Variants in SPPL3 observed in about 807,000 individuals in gnomAD.
SPPL3 encodes the protein signal peptide peptidase-like 3.
SPPL3 carries 5 observed loss-of-function variants against 42.4 expected under a neutral mutation model. The ratio of observed to expected loss-of-function variants is 0.12; its 90% CI spans 0.06 to 0.25. The LOEUF (loss-of-function observed/expected upper bound fraction) is 0.25. Ranked by LOEUF, SPPL3 falls within the 10% of genes least tolerant of loss-of-function variation. The pLI is 1.00. For missense variants in SPPL3, 235 were observed against 489.0 expected (o/e 0.48, Z 4.90); for synonymous variants, 195 against 181.8 (o/e 1.07, Z -0.58).
At chr12:120,854,482 A>G (rs1477125224) in intron 1 of SPPL3, among the ~76,000 whole-genome samples, 3 of 152,226 alleles carry the variant, frequency 2.0e-5, no homozygotes, top group Non-Finnish European at 4.4e-5. Context: ...CATGGCAGCT[A>G]TGTGCTGTGT....
intron 6 of SPPL3, among the ~76,000 whole-genome samples, chr12:120,773,795 G>A (rs545190430): frequency 5.4e-4 from 83 of 152,296 alleles, no homozygotes; most frequent in Admixed American, 1.0e-3. Flanking sequence ...ATAGAGATGG[G>A]GTTTCACCAT....
intron 1 of SPPL3, among the ~76,000 whole-genome samples, chr12:120,896,352 A>C (rs1873801208): frequency 6.6e-6 from 1 of 152,204 alleles, no homozygotes; most frequent in Non-Finnish European, 1.5e-5. Context: ...CATTGGGACT[A>C]ACTAGATTTT....
At chr12:120,899,853 A>G (rs1004735076) in intron 1 of SPPL3, among the ~76,000 whole-genome samples, 8 of 130,722 alleles carry the variant, frequency 6.1e-5, no homozygotes, top group Non-Finnish European at 1.2e-4. Context: ...AGATCATGCC[A>G]TTGCACTCTT....
chr12:120,770,537 T>A lies in SPPL3; in HGVS notation c.503-1478A>T, dbSNP rs544448459. Among the ~76,000 whole-genome samples, 4 of 152,286 alleles carry A rather than the reference T, an allele frequency of 2.6e-5. No homozygotes were observed. In the South Asian group the frequency reaches 8.3e-4, roughly 32 times the overall value. On this transcript the variant is annotated intron_variant, in intron 6 of 10. Coordinates refer to ENST00000353487, the MANE Select transcript of SPPL3 (RefSeq NM_139015.5). ...GGCTTGCCAAGGATCCCCTCATTGC[T>A]AGACACAGTAATCGACCTGTCCTCC...
intron 1 of SPPL3, among the ~76,000 whole-genome samples, chr12:120,829,334 G>A (rs940113832): frequency 1.4e-4 from 22 of 152,074 alleles, no homozygotes; most frequent in African/African-American, 2.7e-4. Flanking sequence ...GGTAGCTCAC[G>A]CCTGTAATCC....
At chr12:120,841,994 C>T (rs911763376) in intron 1 of SPPL3, among the ~76,000 whole-genome samples, 1 of 152,200 alleles carries the variant, frequency 6.6e-6, no homozygotes, top group Non-Finnish European at 1.5e-5. Context: ...ACTAAATAAA[C>T]TATTACATCT....
intron 2 of SPPL3, among the ~76,000 whole-genome samples, chr12:120,809,285 C>G (rs549860344): frequency 1.4e-4 from 21 of 151,912 alleles, no homozygotes; most frequent in Middle Eastern, 3.4e-3. Flanking sequence ...GTGGAGCTTG[C>G]AGTGAGCTGA....
intron 3 of SPPL3, among the ~76,000 whole-genome samples, chr12:120,787,482 A>G (rs1199762296): frequency 6.6e-6 from 1 of 152,166 alleles, no homozygotes; most frequent in African/African-American, 2.4e-5. Flanking sequence ...GGGAAATCAG[A>G]GGACCTGGAG....
At chr12:120,903,702 G>T in intron 1 of SPPL3, 143 bp downstream of exon 1, 1 of 707,596 alleles carries the variant, frequency 1.4e-6, no homozygotes, top group Non-Finnish European at 2.1e-6. Flanking sequence ...CCCTCCGGTG[G>T]GGAAGAGGGG....
chr12:120,800,364 C>T (rs1870246034), intron 2 of SPPL3, among the ~76,000 whole-genome samples: 1 of 151,958 alleles, frequency 6.6e-6, no homozygotes. Context: ...CTAGCTGGGC[C>T]TGGTGGCGCA....
At chr12:120,828,690 T>A (rs183893178) in intron 1 of SPPL3, among the ~76,000 whole-genome samples, 1 of 152,202 alleles carries the variant, frequency 6.6e-6, no homozygotes, top group African/African-American at 2.4e-5. Flanking sequence ...CAATGGAACA[T>A]AGATTCCAGA....
In SPPL3 at chr12:120,767,302, T is replaced by C. The variant is rs1320179522; in HGVS notation, c.973+92A>G. On this transcript the variant is annotated intron_variant, in intron 9 of 10. Transcript: ENST00000353487. ...ACCCAGAATTCCTGCTCTCCTTCCA[T>C]CCAGTAACTGTAGCTAGAAGACCTG... 23 of 1,343,682 alleles carry C rather than the reference T, an allele frequency of 1.7e-5. No homozygotes were observed. The East Asian group carries it at 5.0e-4, about 29-fold the overall frequency. The allele number at this position is 1,343,682 out of a possible 1,614,324, so 83.2% of individuals were successfully genotyped here.
At position 120,825,453 on chromosome 12, in the gene SPPL3, A is replaced by G. The variant is rs374571226; in HGVS notation, c.24-14567T>C. ...AGGAGTTTGGCTTGGTAGAGAGAAA[A>G]GAGAGTGGAGGTGAGAAAACAAATC... On this transcript the variant is annotated intron_variant, in intron 1 of 10. Transcript: ENST00000353487. 1.5e-3 allele frequency among the ~76,000 whole-genome samples: 225 copies of G among 152,286 alleles called. 7 individuals carry two copies. In the South Asian group the frequency reaches 0.045, roughly 30 times the overall value.
chr12:120,804,225 C>T (rs535063272), intron 2 of SPPL3, among the ~76,000 whole-genome samples: 1 of 152,082 alleles, frequency 6.6e-6, no homozygotes, highest in African/African-American at 2.4e-5. Context: ...TCTAAATAGC[C>T]TTTTTTGGAC....
intron 1 of SPPL3, among the ~76,000 whole-genome samples, chr12:120,833,803 G>C (rs1343111064): frequency 8.5e-6 from 1 of 117,550 alleles, no homozygotes; most frequent in Non-Finnish European, 1.9e-5. Flanking sequence ...GTGTGTGTGT[G>C]TGTGTTGAGT....
intron 1 of SPPL3, among the ~76,000 whole-genome samples, chr12:120,824,886 T>C (rs750055961): frequency 6.6e-6 from 1 of 152,190 alleles, no homozygotes; most frequent in Non-Finnish European, 1.5e-5. Flanking sequence ...CAAACTTCCA[T>C]GCCCTATTCA....
At chr12:120,856,906 T>C (rs979989293) in intron 1 of SPPL3, among the ~76,000 whole-genome samples, 6 of 152,292 alleles carry the variant, frequency 3.9e-5, no homozygotes, top group East Asian at 1.9e-4. Context: ...GGAATAGCAG[T>C]TGAACTTTAA....
intron 1 of SPPL3, among the ~76,000 whole-genome samples, chr12:120,838,994 C>A (rs935722854): frequency 6.6e-6 from 1 of 152,058 alleles, no homozygotes; most frequent in Non-Finnish European, 1.5e-5. Context: ...TTGACCCAGC[C>A]ATCCCATTAC....
intron 1 of SPPL3, among the ~76,000 whole-genome samples, chr12:120,836,039 G>A (rs534088883): frequency 6.6e-6 from 1 of 152,112 alleles, no homozygotes; most frequent in Admixed American, 6.6e-5. Flanking sequence ...ATTGAAGTAA[G>A]GTAGCATTTA....
Sources: gnomAD v4.1 joint callset for allele counts (sites outside exome capture counted in the v4.1 genomes callset) on GRCh38, gnomAD v4.1.1 for gene constraint, MANE v1.5 for transcripts, NCBI Gene and HGNC (gene_info 2026-07-23, HGNC 2026-07-21) for gene names.